The following RBFOX1 variants were observed in gnomAD, a reference collection of about 807,000 sequenced individuals.
RBFOX1 encodes the protein RNA binding protein fox-1 homolog 1.
Under a neutral mutation model 57.7 loss-of-function variants are expected in RBFOX1, and 8 were observed. That is an observed-to-expected ratio of 0.14 (90% confidence interval 0.08 to 0.25). RBFOX1 has a LOEUF of 0.25. Among genes scored for constraint, RBFOX1 ranks in the 10% least tolerant of loss-of-function variants. The pLI, the probability that RBFOX1 is intolerant of heterozygous loss-of-function variation, is 1.00. For synonymous variants in RBFOX1, 326 were observed against 222.4 expected (o/e 1.47, Z -4.15); for missense variants, 611 against 548.5 (o/e 1.11, Z -1.14).
intron 1 of RBFOX1, among the ~76,000 whole-genome samples, chr16:5,408,422 G>T (rs892002323): frequency 1.3e-5 from 2 of 152,224 alleles, no homozygotes; most frequent in African/African-American, 4.8e-5. Context: ...GGTATGAATA[G>T]AGTCTGAGCT....
At position 7,202,359 on chromosome 16, in the gene RBFOX1, C is replaced by T. The variant is rs138539867; in HGVS notation, c.27+150261C>T. ...TTGATAAGGATGTGGAAAAATTGGA[C>T]CCATTACGCCCTGTGGGTAGGAAGG... On this transcript the variant is annotated intron_variant, in intron 4 of 15. Coordinates refer to ENST00000550418, the MANE Select transcript of RBFOX1 (RefSeq NM_018723.4). Among the ~76,000 whole-genome samples, 723 of 150,270 alleles carry T rather than the reference C, an allele frequency of 4.8e-3. 5 individuals are homozygous for T. Among genetic ancestry groups the T allele is most frequent in the Non-Finnish European group, 8.0e-3 (542 of 67,802 alleles).
intron 1 of RBFOX1, among the ~76,000 whole-genome samples, chr16:6,289,609 A>C (rs1405292930): frequency 2.0e-5 from 3 of 152,142 alleles, no homozygotes; most frequent in Non-Finnish European, 4.4e-5. Context: ...CTAGCTGTCC[A>C]ATATCTGTTT....
chr16:7,471,819 C>T (rs578010480), intron 4 of RBFOX1, among the ~76,000 whole-genome samples: 1 of 152,160 alleles, frequency 6.6e-6, no homozygotes, highest in Non-Finnish European at 1.5e-5. Context: ...CTGGGAGCTC[C>T]AGGGCCTGAC....
intron 1 of RBFOX1, among the ~76,000 whole-genome samples, chr16:5,260,420 T>G (rs916922255): frequency 6.6e-6 from 1 of 152,188 alleles, no homozygotes; most frequent in African/African-American, 2.4e-5. Flanking sequence ...AATGAGATTT[T>G]AAAAACAAGA....
At chr16:6,618,174 G>C (rs1360803059) in intron 2 of RBFOX1, among the ~76,000 whole-genome samples, 1 of 152,130 alleles carries the variant, frequency 6.6e-6, no homozygotes, top group Non-Finnish European at 1.5e-5. Context: ...GTTTGGGTCT[G>C]ACTCTCCAGT....
At chr16:5,329,841 A>C (rs2064697034) in intron 1 of RBFOX1, among the ~76,000 whole-genome samples, 1 of 152,164 alleles carries the variant, frequency 6.6e-6, no homozygotes, top group Non-Finnish European at 1.5e-5. Context: ...CTACTAAAAA[A>C]GTCCAAAAAT....
intron 2 of RBFOX1, among the ~76,000 whole-genome samples, chr16:5,489,130 A>C: frequency 6.6e-6 from 1 of 152,328 alleles, no homozygotes; most frequent in East Asian, 1.9e-4. Context: ...CCTGACACTA[A>C]GTCTCTGTGG....
chr16:5,801,473 A>G (rs2055054133), intron 3 of RBFOX1, among the ~76,000 whole-genome samples: 1 of 152,066 alleles, frequency 6.6e-6, no homozygotes, highest in Non-Finnish European at 1.5e-5. Context: ...TTGAGGCAGT[A>G]ATATACTTAG....
intron 4 of RBFOX1, among the ~76,000 whole-genome samples, chr16:7,427,347 A>C (rs1265901518): frequency 3.3e-5 from 5 of 152,170 alleles, no homozygotes; most frequent in East Asian, 1.9e-4. Flanking sequence ...CATTCTAACA[A>C]ATTTCCAAGA....
intron 3 of RBFOX1, among the ~76,000 whole-genome samples, chr16:6,805,752 C>T (rs893848147): frequency 6.5e-4 from 99 of 152,132 alleles, no homozygotes; most frequent in African/African-American, 2.3e-3. Flanking sequence ...AGGTTTTTCC[C>T]TCCACTGTAA....
At chr16:6,862,512 G>C (rs1169355254) in intron 3 of RBFOX1, among the ~76,000 whole-genome samples, 3 of 152,208 alleles carry the variant, frequency 2.0e-5, no homozygotes, top group Non-Finnish European at 2.9e-5. Context: ...GCCTTGCCCA[G>C]GCAACCAGCA....
chr16:6,530,608 A>G (rs986257948), intron 2 of RBFOX1, among the ~76,000 whole-genome samples: 5 of 152,170 alleles, frequency 3.3e-5, no homozygotes, highest in African/African-American at 7.2e-5. Flanking sequence ...TACAAAGAAA[A>G]AGAGATTGAA....
intron 4 of RBFOX1, among the ~76,000 whole-genome samples, chr16:7,382,802 A>T (rs2097801562): frequency 6.6e-6 from 1 of 152,254 alleles, no homozygotes; most frequent in African/African-American, 2.4e-5. Context: ...AGAAGCCAAG[A>T]GGAATAATGC....
intron 2 of RBFOX1, among the ~76,000 whole-genome samples, chr16:6,443,463 G>A (rs183515317): frequency 7.2e-5 from 11 of 152,224 alleles, no homozygotes; most frequent in African/African-American, 2.6e-4. Flanking sequence ...TCCTTGTGAA[G>A]CATTTATCCC....
chr16:5,870,546 C>T (rs148797744), intron 4 of RBFOX1, among the ~76,000 whole-genome samples: 3 of 151,874 alleles, frequency 2.0e-5, no homozygotes, highest in Admixed American at 1.3e-4. Flanking sequence ...CACTTTTGAT[C>T]AAAAATAGTC....
chr16:7,102,725 A>G (rs186431652), intron 4 of RBFOX1, among the ~76,000 whole-genome samples: 242 of 152,340 alleles, frequency 1.6e-3, no homozygotes, highest in Middle Eastern at 3.4e-3. Flanking sequence ...AGTACAATTT[A>G]TAAAGTTTGG....
intron 1 of RBFOX1, among the ~76,000 whole-genome samples, chr16:5,344,909 C>T (rs2065107831): frequency 6.6e-6 from 1 of 152,152 alleles, no homozygotes; most frequent in Non-Finnish European, 1.5e-5. Flanking sequence ...ATGTTTTTGC[C>T]TCTATCTATG....
intron 4 of RBFOX1, among the ~76,000 whole-genome samples, chr16:7,319,563 G>C (rs1388716770): frequency 6.6e-6 from 1 of 152,146 alleles, no homozygotes; most frequent in African/African-American, 2.4e-5. Flanking sequence ...TCTCTGGAAG[G>C]ATATTTTGGA....
intron 11 of RBFOX1, among the ~76,000 whole-genome samples, chr16:7,637,909 T>C (rs907417487): frequency 5.9e-5 from 9 of 152,234 alleles, no homozygotes; most frequent in Non-Finnish European, 1.2e-4. Flanking sequence ...AAAAGATCCA[T>C]GATTAACAGA....
Sources: allele counts gnomAD v4.1 joint callset (sites outside exome capture counted in the v4.1 genomes callset), GRCh38; gene constraint gnomAD v4.1.1; transcripts MANE v1.5; gene names NCBI Gene and HGNC (gene_info 2026-07-23, HGNC 2026-07-21).